FBXL20: variants seen among roughly 807,000 people sequenced by gnomAD.
FBXL20 encodes the protein F-box and leucine rich repeat protein 20, also known as F-box/LRR-repeat protein 20.
In FBXL20, 11 loss-of-function variants were observed where a neutral mutation model predicts 64.0. The observed-to-expected ratio is 0.17, with a 90% confidence interval of 0.11 to 0.28. The LOEUF (loss-of-function observed/expected upper bound fraction) is 0.28. Among genes scored for constraint, FBXL20 ranks in the 10% least tolerant of loss-of-function variants. The pLI, the probability that FBXL20 is intolerant of heterozygous loss-of-function variation, is 1.00. For missense variants in FBXL20, 303 were observed against 526.2 expected, an observed-to-expected ratio of 0.58 and a Z score of 4.15; for synonymous variants, 184 against 189.0, an observed-to-expected ratio of 0.97 and a Z score of 0.22.
intron 1 of FBXL20, among the ~76,000 whole-genome samples, chr17:39,364,929 C>T (rs1402982520): frequency 6.6e-6 from 1 of 152,136 alleles, no homozygotes; most frequent in Non-Finnish European, 1.5e-5. Flanking sequence ...TTTTAAGCCA[C>T]AAAGTTACAG....
intron 1 of FBXL20, among the ~76,000 whole-genome samples, chr17:39,384,095 C>T (rs2048053360): frequency 6.6e-6 from 1 of 151,876 alleles, no homozygotes; most frequent in Non-Finnish European, 1.5e-5. Flanking sequence ...ATCAGCCAGG[C>T]ATGGCAGCAT....
Position 39,305,649 on chromosome 17 carries a change from A to T in FBXL20, c.105-2010T>A, listed in dbSNP as rs532330975. 3.9e-5 allele frequency among the ~76,000 whole-genome samples: 6 copies of T among 152,322 alleles called. No individual in the cohort carries two copies. The South Asian group carries it at 1.2e-3, about 32-fold the overall frequency. ...AGGATAACTTGAGGCCAAGAGTTTG[A>T]GAACAGCCTGGAAAATACAGTGAGA... On this transcript the variant is annotated intron_variant, in intron 2 of 14. Coordinates refer to ENST00000264658, the MANE Select transcript of FBXL20 (RefSeq NM_032875.3).
At position 39,398,050 on chromosome 17, in the gene FBXL20, G is replaced by T. The variant is rs1405680726; in HGVS notation, c.42+3311C>A. On this transcript the variant is annotated intron_variant, in intron 1 of 14. Transcript: ENST00000264658. ...TGGGAGGCCGGCGGGCGGGGGGGGGGGGGGGGTTGGATCACGAGGTCAGGA... is the reference window on the plus strand; with the variant it reads ...TGGGAGGCCGGCGGGCGGGGGGGGGTGGGGGGTTGGATCACGAGGTCAGGA... 4.0e-5 allele frequency among the ~76,000 whole-genome samples: 4 copies of T among 99,754 alleles called. 1 individual carries two copies. Among genetic ancestry groups the T allele is most frequent in the African/African-American group, 1.4e-4 (4 of 28,026 alleles). The allele number at this position is 99,754 out of a possible 152,430, so 65.4% of individuals were successfully genotyped here. A position where few individuals can be genotyped will look rare whatever the true frequency, so the allele number is the denominator to read the frequency against.
chr17:39,351,255 G>A (rs2047684449), intron 1 of FBXL20, among the ~76,000 whole-genome samples: 2 of 149,172 alleles, frequency 1.3e-5, no homozygotes, highest in South Asian at 2.1e-4. Context: ...AGAATTGCTC[G>A]AAACCGGGAG....
At chr17:39,367,341 G>A (rs1314237333) in intron 1 of FBXL20, among the ~76,000 whole-genome samples, 1 of 145,386 alleles carries the variant, frequency 6.9e-6, no homozygotes, top group African/African-American at 2.6e-5. Context: ...TTTGGAGATA[G>A]AGTCTCACTC....
intron 1 of FBXL20, among the ~76,000 whole-genome samples, chr17:39,363,127 G>A (rs933304885): frequency 6.7e-6 from 1 of 149,248 alleles, no homozygotes; most frequent in African/African-American, 2.5e-5. Context: ...TCACCCTCCC[G>A]AGCTACTAGG....
chr17:39,369,256 CTTTTTTTTTT>C (rs72363930), intron 1 of FBXL20, among the ~76,000 whole-genome samples: 1 of 98,578 alleles, frequency 1.0e-5, no homozygotes, highest in Non-Finnish European at 1.9e-5. Context: ...GAATTCAATG[CTTTTTTTTTT>C]TTTTTTTTTT....
chr17:39,386,496 C>T (rs575867553), intron 1 of FBXL20, among the ~76,000 whole-genome samples: 3 of 150,288 alleles, frequency 2.0e-5, no homozygotes, highest in South Asian at 2.1e-4. Context: ...TGGTAGCGTG[C>T]GCCTGTAATT....
chr17:39,402,318 C>T, upstream of FBXL20: 1 of 807,404 alleles, frequency 1.2e-6, no homozygotes, highest in East Asian at 3.4e-5. Flanking sequence ...TCCCCCGCCC[C>T]AGTGCATTAC....
chr17:39,328,730 G>A (rs926394310), intron 2 of FBXL20, among the ~76,000 whole-genome samples: 2 of 152,158 alleles, frequency 1.3e-5, no homozygotes, highest in African/African-American at 2.4e-5. Flanking sequence ...TCAAATTAGT[G>A]AGTCAAAGTT....
chr17:39,380,343 CCCA>C (rs2048010135), intron 1 of FBXL20, among the ~76,000 whole-genome samples: 1 of 152,188 alleles, frequency 6.6e-6, no homozygotes, highest in Non-Finnish European at 1.5e-5. Flanking sequence ...GTTCCGAATT[CCCA>C]CCAATAACTC....
At chr17:39,392,548 C>T (rs1055637043) in intron 1 of FBXL20, among the ~76,000 whole-genome samples, 1 of 151,752 alleles carries the variant, frequency 6.6e-6, no homozygotes, top group Non-Finnish European at 1.5e-5. Flanking sequence ...AAAAAAAGGG[C>T]GACATATACA....
intron 1 of FBXL20, among the ~76,000 whole-genome samples, chr17:39,345,215 C>T (rs530013136): frequency 6.6e-6 from 1 of 152,280 alleles, no homozygotes; most frequent in African/African-American, 2.4e-5. Context: ...GACACGATCT[C>T]TATCCTTAAG....
intron 1 of FBXL20, among the ~76,000 whole-genome samples, chr17:39,345,904 A>G (rs1265680907): frequency 6.6e-6 from 1 of 152,162 alleles, no homozygotes; most frequent in Non-Finnish European, 1.5e-5. Context: ...GAGGGCAGGG[A>G]GCATGCCTGT....
intron 9 of FBXL20, among the ~76,000 whole-genome samples, chr17:39,280,807 C>T (rs1263542347): frequency 3.9e-5 from 6 of 152,078 alleles, no homozygotes; most frequent in Admixed American, 1.3e-4. Context: ...CTCTGTTGCC[C>T]GAGCTGGAGT....
rs772553517 is a variant in FBXL20 at position 39,401,411 on chromosome 17, C to A, written c.-9G>T. On this transcript the variant is annotated 5_prime_UTR_variant, in exon 1 of 15. Coordinates refer to ENST00000264658, the MANE Select transcript of FBXL20 (RefSeq NM_032875.3). ...TTCACGTCCCTCCTCATGGGGCCGG[C>A]GGGTGCGGCCCGGGCCGGGCGCTGC... 81 of 1,599,460 alleles carry A rather than the reference C, an allele frequency of 5.1e-5. 1 individual carries two copies. The South Asian group carries it at 8.5e-4, about 17-fold the overall frequency.
chr17:39,292,612 G>A (rs936668772), intron 6 of FBXL20, among the ~76,000 whole-genome samples: 9 of 146,972 alleles, frequency 6.1e-5, no homozygotes, highest in Admixed American at 4.8e-4. Flanking sequence ...AGTCACTTCT[G>A]GGTCTATTTC....
chr17:39,289,732 C>T (rs1472050848), intron 6 of FBXL20, among the ~76,000 whole-genome samples: 9 of 150,448 alleles, frequency 6.0e-5, no homozygotes, highest in Admixed American at 4.6e-4. Flanking sequence ...TGGTGACTCA[C>T]GCCTGTAATC....
chr17:39,295,733 T>C (rs1405546304), intron 6 of FBXL20, among the ~76,000 whole-genome samples: 1 of 151,478 alleles, frequency 6.6e-6, no homozygotes, highest in Non-Finnish European at 1.5e-5. Context: ...TTTTTACTTA[T>C]TTTATTTTTG....
Sources: gnomAD v4.1 joint callset for allele counts (sites outside exome capture counted in the v4.1 genomes callset) on GRCh38, gnomAD v4.1.1 for gene constraint, MANE v1.5 for transcripts, NCBI Gene and HGNC (gene_info 2026-07-23, HGNC 2026-07-21) for gene names.